HTR4: variants seen among roughly 807,000 people sequenced by gnomAD.
The protein encoded by HTR4 is 5-hydroxytryptamine (serotonin) receptor 4, G protein-coupled.
In HTR4, 16 loss-of-function variants were observed where a neutral mutation model predicts 36.8. That is an observed-to-expected ratio of 0.43 (90% confidence interval 0.29 to 0.66). HTR4 has a LOEUF of 0.66. HTR4 is among the 30% of genes least tolerant of loss of function. The pLI is 0.13. For missense variants in HTR4, 438 were observed against 490.9 expected (o/e 0.89, Z 1.02); for synonymous variants, 189 against 185.1 (o/e 1.02, Z -0.17).
At chr5:148,573,035 C>A (rs1372811334) in intron 2 of HTR4, among the ~76,000 whole-genome samples, 1 of 152,056 alleles carries the variant, frequency 6.6e-6, no homozygotes, top group African/African-American at 2.4e-5. Context: ...AAATGGAGAT[C>A]TCATTCGAGA....
At chr5:148,616,897 G>C (rs1752712551) in intron 2 of HTR4, among the ~76,000 whole-genome samples, 1 of 152,114 alleles carries the variant, frequency 6.6e-6, no homozygotes, top group Non-Finnish European at 1.5e-5. Flanking sequence ...ACTTGGAAGA[G>C]TAATTAACAG....
intron 2 of HTR4, among the ~76,000 whole-genome samples, chr5:148,561,939 A>C (rs921211272): frequency 2.6e-5 from 4 of 152,198 alleles, no homozygotes; most frequent in African/African-American, 9.7e-5. Context: ...CAGTGGATAC[A>C]GCTCTCCATA....
chr5:148,577,945 T>G (rs1760992250), intron 2 of HTR4, among the ~76,000 whole-genome samples: 1 of 151,858 alleles, frequency 6.6e-6, no homozygotes, highest in Non-Finnish European at 1.5e-5. Flanking sequence ...GTAACAAACC[T>G]TCACATGTAC....
chr5:148,627,544 C>T (rs1753163552), intron 2 of HTR4, among the ~76,000 whole-genome samples: 1 of 151,978 alleles, frequency 6.6e-6, no homozygotes, highest in African/African-American at 2.4e-5. Context: ...TTGATATGCA[C>T]AAAGGTATGA....
Position 148,483,198 on chromosome 5 carries a change from G to A in HTR4, c.*5C>T. On this transcript the variant is annotated 3_prime_UTR_variant, in exon 7 of 7. Coordinates refer to ENST00000377888, the MANE Select transcript of HTR4 (RefSeq NM_000870.7). ...GGCTGTCTTCTGGGTCATTGTCCCAGGGGCCTAAGTGTCACTGGGCTGAGC... is the reference window on the plus strand; with the variant it reads ...GGCTGTCTTCTGGGTCATTGTCCCAAGGGCCTAAGTGTCACTGGGCTGAGC... 1 of 1,614,006 alleles carries A rather than the reference G, an allele frequency of 6.2e-7. No homozygotes were observed. Among genetic ancestry groups the A allele is most frequent in the Non-Finnish European group, 8.5e-7 (1 of 1,179,904 alleles).
At position 148,483,007 on chromosome 5, in the gene HTR4, A is replaced by T; in HGVS notation, c.*196T>A. On this transcript the variant is annotated 3_prime_UTR_variant, in exon 7 of 7. Transcript: ENST00000377888. ...GAAATAAAAAGTGAACAAGGAGGCC[A>T]TTATGTCCCCTGACTCCCTCCAGCG... The T allele has an allele frequency of 7.0e-7, 1 of 1,436,782 alleles. No individual in the cohort carries two copies. Among genetic ancestry groups the T allele is most frequent in the Non-Finnish European group, 9.2e-7 (1 of 1,092,518 alleles). The allele number at this position is 1,436,782 out of a possible 1,614,324, so 89.0% of individuals were successfully genotyped here. A position where few individuals can be genotyped will look rare whatever the true frequency, so the allele number is the denominator to read the frequency against.
At chr5:148,615,717 T>TAA (rs1315991361) in intron 2 of HTR4, among the ~76,000 whole-genome samples, 1 of 150,450 alleles carries the variant, frequency 6.6e-6, no homozygotes, top group Non-Finnish European at 1.5e-5. Flanking sequence ...AGAAATAAAA[T>TAA]AAAATAAAAT....
intron 4 of HTR4, among the ~76,000 whole-genome samples, chr5:148,531,487 C>T (rs566726894): frequency 7.3e-4 from 111 of 152,256 alleles, no homozygotes; most frequent in African/African-American, 2.3e-3. Context: ...TCCCTAGTCA[C>T]GTAGAATTGT....
At chr5:148,566,229 G>C (rs139641872) in intron 2 of HTR4, among the ~76,000 whole-genome samples, 5 of 151,932 alleles carry the variant, frequency 3.3e-5, no homozygotes, top group African/African-American at 1.2e-4. Context: ...GTTAAAAGCA[G>C]GTATAAAACA....
intron 2 of HTR4, among the ~76,000 whole-genome samples, chr5:148,611,124 T>C (rs1280592607): frequency 4.1e-5 from 6 of 145,968 alleles, no homozygotes; most frequent in Admixed American, 6.8e-5. Flanking sequence ...TCCAGGAGAA[T>C]TTCCCCAATC....
chr5:148,606,073 AT>A (rs1034584074), intron 2 of HTR4, among the ~76,000 whole-genome samples: 2 of 152,220 alleles, frequency 1.3e-5, no homozygotes, highest in African/African-American at 4.8e-5. Context: ...ATTTTAAAAA[AT>A]ATTCAAAATA....
intron 2 of HTR4, among the ~76,000 whole-genome samples, chr5:148,580,827 A>C (rs1761104276): frequency 1.3e-5 from 2 of 152,086 alleles, no homozygotes; most frequent in Non-Finnish European, 1.5e-5. Flanking sequence ...TGCCATGAAC[A>C]TGGGAGTGCG....
At chr5:148,609,716 C>T (rs1383472010) in intron 2 of HTR4, among the ~76,000 whole-genome samples, 1 of 152,038 alleles carries the variant, frequency 6.6e-6, no homozygotes, top group Non-Finnish European at 1.5e-5. Flanking sequence ...CAGGCGCCCA[C>T]CACCATGCCC....
At chr5:148,546,985 A>G (rs1189690572) in intron 4 of HTR4, among the ~76,000 whole-genome samples, 1 of 152,164 alleles carries the variant, frequency 6.6e-6, no homozygotes, top group East Asian at 1.9e-4. Flanking sequence ...CATGAGTTCA[A>G]TTTTACCAGA....
At chr5:148,588,120 C>CCTGCT (rs1761417798) in intron 2 of HTR4, among the ~76,000 whole-genome samples, 1 of 152,150 alleles carries the variant, frequency 6.6e-6, no homozygotes, top group African/African-American at 2.4e-5. Context: ...GAGATCTAAT[C>CCTGCT]CTGCTCTGCC....
chr5:148,484,494 G>A, intron 6 of HTR4: 1 of 992,730 alleles, frequency 1.0e-6, no homozygotes. Context: ...TGAAAAATTG[G>A]GGCAATATTT....
intron 4 of HTR4, among the ~76,000 whole-genome samples, chr5:148,530,792 G>A (rs1407521175): frequency 1.2e-4 from 18 of 152,204 alleles, no homozygotes. Flanking sequence ...GCAGATGGGA[G>A]GGAATCTGTA....
chr5:148,457,981 TG>T (rs202106779), intron 5 of HTR4, among the ~76,000 whole-genome samples: 61,982 of 134,948 alleles, frequency 0.46, 15,514 homozygotes, highest in Middle Eastern at 0.64. Context: ...TATATTTTAA[TG>T]ATATATTTAA....
At chr5:148,532,913 G>C (rs745636285) in intron 4 of HTR4, among the ~76,000 whole-genome samples, 98 of 152,288 alleles carry the variant, frequency 6.4e-4, no homozygotes, top group Non-Finnish European at 8.4e-4. Context: ...TATGTTCCCA[G>C]GTGATGCTGT....
Sources: gnomAD v4.1 joint callset for allele counts (sites outside exome capture counted in the v4.1 genomes callset) on GRCh38, gnomAD v4.1.1 for gene constraint, MANE v1.5 for transcripts, NCBI Gene and HGNC (gene_info 2026-07-23, HGNC 2026-07-21) for gene names.